Variants in RBFOX1 observed in about 807,000 individuals in gnomAD.
The protein encoded by RBFOX1 is RNA binding fox-1 homolog 1.
A neutral mutation model predicts 57.7 loss-of-function variants in RBFOX1; 8 were observed. The ratio of observed to expected loss-of-function variants is 0.14; its 90% CI spans 0.08 to 0.25. The LOEUF is 0.25. Among genes scored for constraint, RBFOX1 ranks in the 10% least tolerant of loss-of-function variants. The pLI is 1.00. For synonymous variants in RBFOX1, 326 were observed against 222.4 expected (o/e 1.47, Z -4.15); for missense variants, 611 against 548.5 (o/e 1.11, Z -1.14).
intron 2 of RBFOX1, among the ~76,000 whole-genome samples, chr16:6,484,983 T>A (rs1020552952): frequency 6.6e-6 from 1 of 152,206 alleles, no homozygotes. Flanking sequence ...GGGACATCTT[T>A]CTCCACTGTG....
intron 5 of RBFOX1, among the ~76,000 whole-genome samples, chr16:7,536,373 C>A (rs933617332): frequency 6.6e-6 from 1 of 152,162 alleles, no homozygotes; most frequent in Non-Finnish European, 1.5e-5. Context: ...GTGGGTGGAT[C>A]TCTTGAGGCA....
At chr16:5,609,364 C>G (rs77901194) in intron 3 of RBFOX1, among the ~76,000 whole-genome samples, 1,985 of 152,338 alleles carry the variant, frequency 0.013, 45 homozygotes, top group African/African-American at 0.045. Context: ...CTTACATTCT[C>G]TGTCGCTTGT....
chr16:6,086,430 C>G (rs369458921), intron 1 of RBFOX1, among the ~76,000 whole-genome samples: 5 of 152,172 alleles, frequency 3.3e-5, no homozygotes, highest in African/African-American at 1.2e-4. Context: ...GCAGAGCAGT[C>G]GGTGGTAAAG....
At chr16:7,390,215 C>G (rs1430090296) in intron 4 of RBFOX1, among the ~76,000 whole-genome samples, 1 of 152,070 alleles carries the variant, frequency 6.6e-6, no homozygotes, top group Non-Finnish European at 1.5e-5. Context: ...CGCACCAGAC[C>G]CCTCCTCCAA....
intron 3 of RBFOX1, among the ~76,000 whole-genome samples, chr16:6,856,843 C>T (rs962991953): frequency 5.9e-5 from 9 of 151,886 alleles, no homozygotes; most frequent in South Asian, 2.1e-4. Flanking sequence ...ATTGACAGAT[C>T]CCTTAATTGT....
intron 3 of RBFOX1, among the ~76,000 whole-genome samples, chr16:5,667,025 A>G (rs545851172): frequency 6.6e-6 from 1 of 152,146 alleles, no homozygotes; most frequent in African/African-American, 2.4e-5. Context: ...GGAGTCCTCA[A>G]ATTTCATTTG....
chr16:5,700,458 G>C (rs28460640), intron 3 of RBFOX1, among the ~76,000 whole-genome samples: 1 of 152,102 alleles, frequency 6.6e-6, no homozygotes, highest in East Asian at 1.9e-4. Flanking sequence ...CCTCATGAAA[G>C]CGTTTCATGA....
intron 2 of RBFOX1, among the ~76,000 whole-genome samples, chr16:5,558,684 C>G (rs145688151): frequency 6.6e-6 from 1 of 152,256 alleles, no homozygotes; most frequent in African/African-American, 2.4e-5. Context: ...TCGTCTCAGT[C>G]TTGTGTGGGG....
chr16:6,264,025 A>G (rs1022483350), intron 1 of RBFOX1, among the ~76,000 whole-genome samples: 1 of 152,126 alleles, frequency 6.6e-6, no homozygotes, highest in Non-Finnish European at 1.5e-5. Context: ...GTTCTAGACT[A>G]TTTTGACTTT....
chr16:6,095,435 G>A (rs992086677), intron 1 of RBFOX1, among the ~76,000 whole-genome samples: 19 of 152,120 alleles, frequency 1.2e-4, no homozygotes, highest in African/African-American at 4.6e-4. Flanking sequence ...TGGACCCTTG[G>A]GGGATGGCCT....
chr16:7,327,700 G>C (rs2096629038), intron 4 of RBFOX1, among the ~76,000 whole-genome samples: 2 of 152,158 alleles, frequency 1.3e-5, no homozygotes, highest in African/African-American at 4.8e-5. Context: ...CTTTTTCGCA[G>C]ATATGATTAT....
chr16:6,118,844 A>G (rs926085832), intron 1 of RBFOX1, among the ~76,000 whole-genome samples: 5 of 142,454 alleles, frequency 3.5e-5, no homozygotes, highest in Admixed American at 1.5e-4. Flanking sequence ...CTCTTTCCCC[A>G]TCTTCTTCAC....
intron 4 of RBFOX1, among the ~76,000 whole-genome samples, chr16:7,446,145 G>C (rs1395992360): frequency 2.0e-5 from 3 of 152,228 alleles, no homozygotes; most frequent in Admixed American, 6.5e-5. Context: ...TAACACCAGA[G>C]AAGGAAAGAG....
chr16:6,118,908 TCAC>T (rs1567499883), intron 1 of RBFOX1, among the ~76,000 whole-genome samples: 5 of 151,740 alleles, frequency 3.3e-5, no homozygotes, highest in African/African-American at 1.2e-4. Flanking sequence ...CCCAATACCA[TCAC>T]ATTAGTGATT....
chr16:6,537,484 G>A (rs1332419183), intron 2 of RBFOX1, among the ~76,000 whole-genome samples: 1 of 152,182 alleles, frequency 6.6e-6, no homozygotes, highest in Non-Finnish European at 1.5e-5. Context: ...CCATGACAGA[G>A]TTGAGGGGCT....
In RBFOX1 at chr16:5,897,138, C is replaced by T. The variant is rs946522830; in HGVS notation, c.351+29803C>T. 1.4e-4 allele frequency among the ~76,000 whole-genome samples: 21 copies of T among 150,866 alleles called. 1 individual carries two copies. The highest frequency in any genetic ancestry group is 4.4e-4 in the African/African-American group (18 of 41,242). On this transcript the variant is annotated intron_variant, in intron 4 of 19. Transcript: ENST00000641259. ...GCAAGCTCCGCTTCCCGGGTTCAAG[C>T]GATTCTCCCGCCTCAGCCTCCCCAG...
At chr16:5,630,473 A>T (rs2048472439) in intron 3 of RBFOX1, among the ~76,000 whole-genome samples, 1 of 152,086 alleles carries the variant, frequency 6.6e-6, no homozygotes, top group South Asian at 2.1e-4. Flanking sequence ...AAAGAAAGAA[A>T]AAAAGGAGAA....
At chr16:5,248,520 G>T (rs969401581) in intron 1 of RBFOX1, among the ~76,000 whole-genome samples, 1 of 152,206 alleles carries the variant, frequency 6.6e-6, no homozygotes, top group African/African-American at 2.4e-5. Flanking sequence ...TCCTGCCTTA[G>T]CTTCTCTAAG....
intron 4 of RBFOX1, among the ~76,000 whole-genome samples, chr16:7,058,432 G>A (rs1029369670): frequency 4.6e-5 from 7 of 152,148 alleles, no homozygotes; most frequent in Admixed American, 2.6e-4. Flanking sequence ...AGAATCAGGG[G>A]CCTGGAGCTA....
Sources: gnomAD v4.1 joint callset for allele counts (sites outside exome capture counted in the v4.1 genomes callset) on GRCh38, gnomAD v4.1.1 for gene constraint, MANE v1.5 for transcripts, NCBI Gene and HGNC (gene_info 2026-07-23, HGNC 2026-07-21) for gene names.